Variants in HSD17B11 observed in about 807,000 individuals in gnomAD.
HSD17B11 encodes estradiol 17-beta-dehydrogenase 11.
In HSD17B11, 22 loss-of-function variants were observed where a neutral mutation model predicts 27.8. That is an observed-to-expected ratio of 0.79 (90% CI 0.56 to 1.13). The LOEUF (loss-of-function observed/expected upper bound fraction) is 1.13, where lower values mean the gene tolerates loss of function less well. Among genes scored for constraint, HSD17B11 ranks in the 50% most tolerant of loss-of-function variants. The pLI, the probability that HSD17B11 is intolerant of heterozygous loss-of-function variation, is 0.00. For synonymous variants in HSD17B11, 117 were observed against 132.8 expected (o/e 0.88, Z 0.82); for missense variants, 314 against 351.1 (o/e 0.89, Z 0.84).
intron 4 of HSD17B11, among the ~76,000 whole-genome samples, chr4:87,370,751 TA>T (rs60877864): frequency 0.6 from 21,942 of 36,834 alleles, 5,230 homozygotes; most frequent in African/African-American, 0.73. Context: ...TTATTATTAT[TA>T]TTATTTTTTT....
intron 4 of HSD17B11, among the ~76,000 whole-genome samples, chr4:87,369,737 C>G (rs1014881623): frequency 6.6e-6 from 1 of 152,134 alleles, no homozygotes; most frequent in African/African-American, 2.4e-5. Flanking sequence ...TGCCTGGCCC[C>G]AGATTTTTCT....
intron 4 of HSD17B11, among the ~76,000 whole-genome samples, chr4:87,365,228 T>C (rs1381363019): frequency 6.6e-6 from 1 of 152,180 alleles, no homozygotes; most frequent in African/African-American, 2.4e-5. Context: ...CTATTTATAG[T>C]GTATGTTTAT....
At chr4:87,381,204 A>T (rs928013069) in intron 2 of HSD17B11, among the ~76,000 whole-genome samples, 5 of 142,226 alleles carry the variant, frequency 3.5e-5, no homozygotes, top group Middle Eastern at 3.6e-3. Context: ...AAAAAAAAAA[A>T]AAAGAACTCA....
At chr4:87,378,918 A>G (rs1353272446) in intron 2 of HSD17B11, among the ~76,000 whole-genome samples, 15 of 14,004 alleles carry the variant, frequency 1.1e-3, no homozygotes, top group Non-Finnish European at 1.3e-3. Context: ...ATATATATAT[A>G]AATATATATA....
At chr4:87,388,683 A>C (rs1410282404) in intron 1 of HSD17B11, among the ~76,000 whole-genome samples, 2 of 152,198 alleles carry the variant, frequency 1.3e-5, no homozygotes, top group Non-Finnish European at 2.9e-5. Context: ...ACATTTTATT[A>C]TACAGTGTGG....
intron 2 of HSD17B11, among the ~76,000 whole-genome samples, chr4:87,379,788 T>A (rs9307034): frequency 0.38 from 29,422 of 76,536 alleles, 4,032 homozygotes; most frequent in African/African-American, 0.53. Context: ...TAATAGTATA[T>A]TATAGTATAA....
chr4:87,369,823 T>C (rs1301102092), intron 4 of HSD17B11, among the ~76,000 whole-genome samples: 3 of 152,236 alleles, frequency 2.0e-5, no homozygotes, highest in Non-Finnish European at 4.4e-5. Context: ...CAACTTTTCA[T>C]GCTTATAAAT....
chr4:87,374,946 T>C, intron 2 of HSD17B11, 116 bp from the exon 3 acceptor site: 1 of 686,634 alleles, frequency 1.5e-6, no homozygotes, highest in Non-Finnish European at 2.2e-6. Flanking sequence ...CAGGCTGCAG[T>C]ACAGTGGCGA....
chr4:87,378,817 A>ATATATAAATATATAT (rs1282396558), intron 2 of HSD17B11, among the ~76,000 whole-genome samples: 10 of 73,464 alleles, frequency 1.4e-4, no homozygotes, highest in Admixed American at 2.2e-4. Context: ...ATATAAATAT[A>ATATATAAATATATAT]AAATATATAT....
chr4:87,353,455 A>G lies in HSD17B11; in HGVS notation c.695+3824T>C, dbSNP rs982204261. 1.1e-3 allele frequency among the ~76,000 whole-genome samples: 162 copies of G among 152,250 alleles called. 4 individuals are homozygous for G. The highest frequency in any genetic ancestry group is 2.8e-4 in the Non-Finnish European group (19 of 68,048). On this transcript the variant is annotated intron_variant, in intron 5 of 6. Coordinates refer to ENST00000358290, the MANE Select transcript of HSD17B11 (RefSeq NM_016245.5). ...TTCTAATTAGAAGTAATAAGTTTCT[A>G]TATTAAAACCAACTTCATCTTTGGG...
intron 4 of HSD17B11, chr4:87,365,823 T>A (rs1235772432): frequency 6.8e-6 from 1 of 147,382 alleles, no homozygotes; most frequent in Non-Finnish European, 1.5e-5. Context: ...TAAAGGATTG[T>A]GTTAAGTGAA....
chr4:87,363,061 TGCTAAGCAGAGTA>T (rs1276888286), intron 4 of HSD17B11, among the ~76,000 whole-genome samples: 1 of 152,146 alleles, frequency 6.6e-6, no homozygotes, highest in Admixed American at 6.5e-5. Context: ...TGATATTGGG[TGCTAAGCAGAGTA>T]GCTAATGTCT....
intron 2 of HSD17B11, 87 bp downstream of exon 2, chr4:87,382,168 T>G: frequency 1.1e-6 from 1 of 916,846 alleles, no homozygotes; most frequent in African/African-American, 1.6e-5. Context: ...CTCAGGTACT[T>G]CATCTATATC....
At chr4:87,374,056 G>A (rs1452548089) in intron 3 of HSD17B11, among the ~76,000 whole-genome samples, 2 of 152,328 alleles carry the variant, frequency 1.3e-5, no homozygotes, top group African/African-American at 4.8e-5. Flanking sequence ...CCAGGGCAGT[G>A]GCTCATGCCT....
chr4:87,360,940 T>A (rs933361382), intron 4 of HSD17B11, among the ~76,000 whole-genome samples: 1 of 152,238 alleles, frequency 6.6e-6, no homozygotes, highest in Non-Finnish European at 1.5e-5. Flanking sequence ...CAAAATTATA[T>A]ATTTTTTCAA....
At chr4:87,361,832 T>C (rs1444642502) in intron 4 of HSD17B11, among the ~76,000 whole-genome samples, 2 of 152,152 alleles carry the variant, frequency 1.3e-5, no homozygotes, top group Non-Finnish European at 2.9e-5. Context: ...TTTCATGAGA[T>C]CCAAGAACCC....
At chr4:87,364,201 C>T (rs1322696880) in intron 4 of HSD17B11, among the ~76,000 whole-genome samples, 2 of 148,058 alleles carry the variant, frequency 1.4e-5, no homozygotes, top group Non-Finnish European at 1.5e-5. Flanking sequence ...ATGAAAGGCC[C>T]GTAGATAACT....
At chr4:87,346,868 A>C (rs1241701286) in intron 5 of HSD17B11, among the ~76,000 whole-genome samples, 1 of 151,990 alleles carries the variant, frequency 6.6e-6, no homozygotes, top group Non-Finnish European at 1.5e-5. Flanking sequence ...TGTCTCTAAA[A>C]GAAAAAATAT....
At chr4:87,356,029 C>T (rs1735377744) in intron 5 of HSD17B11, among the ~76,000 whole-genome samples, 2 of 152,136 alleles carry the variant, frequency 1.3e-5, no homozygotes, top group South Asian at 2.1e-4. Flanking sequence ...AAATCATATG[C>T]GAACATGAAT....
Sources: allele counts gnomAD v4.1 joint callset (sites outside exome capture counted in the v4.1 genomes callset), GRCh38; gene constraint gnomAD v4.1.1; transcripts MANE v1.5; gene names NCBI Gene and HGNC (gene_info 2026-07-23, HGNC 2026-07-21).